The following GALNT13 variants were observed in gnomAD, a reference collection of about 807,000 sequenced individuals.
GALNT13 encodes UDP-GalNAc:polypeptide N-acetylgalactosaminyltransferase 13.
A neutral mutation model predicts 64.2 loss-of-function variants in GALNT13; 28 were observed. The ratio of observed to expected loss-of-function variants is 0.44; its 90% CI spans 0.32 to 0.60. The LOEUF is 0.60. GALNT13 is among the 20% of genes least tolerant of loss of function. The probability of loss-of-function intolerance (pLI) is 0.05; values close to 1 mark genes in which losing one functional copy is unlikely to be tolerated. For missense variants in GALNT13, 577 were observed against 669.8 expected, an observed-to-expected ratio of 0.86 and a Z score of 1.53; for synonymous variants, 214 against 224.6, an observed-to-expected ratio of 0.95 and a Z score of 0.42.
the GALNT13 span, among the ~76,000 whole-genome samples, chr2:153,561,024 A>G: frequency 1.3e-5 from 2 of 151,958 alleles, no homozygotes; most frequent in Non-Finnish European, 2.9e-5. Flanking sequence ...TGTAGTTTTT[A>G]AAGTTTATTG....
chr2:153,531,272 T>TG, the GALNT13 span, among the ~76,000 whole-genome samples: 1 of 152,138 alleles, frequency 6.6e-6, no homozygotes, highest in Non-Finnish European at 1.5e-5. Flanking sequence ...GCTCAGCTTC[T>TG]GGGGAAGCCT....
chr2:154,333,490 G>A (rs1695278326), intron 9 of GALNT13, among the ~76,000 whole-genome samples: 1 of 151,940 alleles, frequency 6.6e-6, no homozygotes, highest in Admixed American at 6.6e-5. Flanking sequence ...TTACATTATT[G>A]GGTTTGAAAT....
At chr2:153,078,649 C>T in the GALNT13 span, among the ~76,000 whole-genome samples, 6 of 152,076 alleles carry the variant, frequency 3.9e-5, 1 homozygote, top group South Asian at 1.2e-3. Context: ...TTGATTTACA[C>T]CTCCAACAAA....
chr2:153,169,535 T>C, the GALNT13 span, among the ~76,000 whole-genome samples: 1 of 152,170 alleles, frequency 6.6e-6, no homozygotes, highest in African/African-American at 2.4e-5. Flanking sequence ...CTAAGCTGTA[T>C]TAAGCCTGGG....
At chr2:153,246,869 C>T in the GALNT13 span, among the ~76,000 whole-genome samples, 1 of 152,102 alleles carries the variant, frequency 6.6e-6, no homozygotes, top group African/African-American at 2.4e-5. Context: ...GATAAAGTGT[C>T]AAGACCCATC....
chr2:153,338,762 C>T, the GALNT13 span, among the ~76,000 whole-genome samples: 8 of 152,202 alleles, frequency 5.3e-5, no homozygotes, highest in South Asian at 1.7e-3. Context: ...GTCCTTTGAC[C>T]AACATCTCCT....
intron 3 of GALNT13, among the ~76,000 whole-genome samples, chr2:154,091,117 G>A (rs986754813): frequency 6.6e-6 from 1 of 151,854 alleles, no homozygotes; most frequent in Non-Finnish European, 1.5e-5. Flanking sequence ...TTTACTACTA[G>A]GGCTATATTT....
At chr2:153,393,237 G>T in the GALNT13 span, among the ~76,000 whole-genome samples, 1 of 151,232 alleles carries the variant, frequency 6.6e-6, no homozygotes, top group African/African-American at 2.4e-5. Flanking sequence ...AATTTATTTT[G>T]TAGTCTCAAT....
chr2:153,760,530 A>G, the GALNT13 span, among the ~76,000 whole-genome samples: 1 of 151,984 alleles, frequency 6.6e-6, no homozygotes, highest in Non-Finnish European at 1.5e-5. Flanking sequence ...TAATTTCCAC[A>G]TATTTGTGAA....
the GALNT13 span, among the ~76,000 whole-genome samples, chr2:153,720,189 C>G: frequency 6.8e-6 from 1 of 146,262 alleles, no homozygotes; most frequent in Admixed American, 6.8e-5. Context: ...AGGCACCCCC[C>G]AGCAGGGGCA....
chr2:153,582,031 G>C, the GALNT13 span, among the ~76,000 whole-genome samples: 1 of 152,228 alleles, frequency 6.6e-6, no homozygotes, highest in East Asian at 1.9e-4. Flanking sequence ...AGAGATTCAA[G>C]GAATTCCTGT....
chr2:154,424,868 C>T (rs1700405216), intron 11 of GALNT13, among the ~76,000 whole-genome samples: 1 of 152,156 alleles, frequency 6.6e-6, no homozygotes, highest in Admixed American at 6.5e-5. Context: ...TTGGGGGAAC[C>T]CAAACTAAAT....
At chr2:154,269,906 G>GTGTATATATAATATATATATATATATATA (rs529424469) in intron 8 of GALNT13, among the ~76,000 whole-genome samples, 1 of 96,884 alleles carries the variant, frequency 1.0e-5, no homozygotes, top group Admixed American at 1.3e-4. Flanking sequence ...ATATATATGT[G>GTGTATATATAATATATATATATATATATA]TATATATATA....
chr2:154,256,263 A>AAT (rs1347055642), intron 7 of GALNT13, among the ~76,000 whole-genome samples: 3 of 151,988 alleles, frequency 2.0e-5, no homozygotes, highest in Non-Finnish European at 4.4e-5. Flanking sequence ...TAAAAAAAAA[A>AAT]GCGAGAGAGA....
the GALNT13 span, among the ~76,000 whole-genome samples, chr2:153,309,698 T>C: frequency 6.6e-6 from 1 of 152,118 alleles, no homozygotes; most frequent in Non-Finnish European, 1.5e-5. Flanking sequence ...GGTAAACTTA[T>C]CCACTCTCAT....
At chr2:153,479,917 C>G in the GALNT13 span, among the ~76,000 whole-genome samples, 1 of 152,144 alleles carries the variant, frequency 6.6e-6, no homozygotes, top group African/African-American at 2.4e-5. Flanking sequence ...TCTTTCCCCT[C>G]CCTCCTTTTC....
At chr2:153,555,190 C>CTTTTTTTT in the GALNT13 span, among the ~76,000 whole-genome samples, 1 of 105,214 alleles carries the variant, frequency 9.5e-6, no homozygotes, top group African/African-American at 3.7e-5. Context: ...AGAAGCTTTA[C>CTTTTTTTT]TTTTTTTTTT....
the GALNT13 span, among the ~76,000 whole-genome samples, chr2:153,245,259 G>T: frequency 4.6e-5 from 7 of 152,234 alleles, no homozygotes; most frequent in Non-Finnish European, 1.5e-5. Context: ...TGACAAGGAG[G>T]ATTCTCGCAG....
At chr2:153,125,023 A>T in the GALNT13 span, among the ~76,000 whole-genome samples, 1 of 152,240 alleles carries the variant, frequency 6.6e-6, no homozygotes. Context: ...TAGCAAATAA[A>T]AATACAGGAT....
Sources: allele counts gnomAD v4.1 joint callset (sites outside exome capture counted in the v4.1 genomes callset), GRCh38; gene constraint gnomAD v4.1.1; transcripts MANE v1.5; gene names NCBI Gene and HGNC (gene_info 2026-07-23, HGNC 2026-07-21).